ALOX5AP: variants seen among roughly 807,000 people sequenced by gnomAD.
ALOX5AP encodes arachidonate 5-lipoxygenase-activating protein.
Under a neutral mutation model 18.5 loss-of-function variants are expected in ALOX5AP, and 9 were observed. That is an observed-to-expected ratio of 0.49 (90% CI 0.29 to 0.85). ALOX5AP has a LOEUF of 0.85. Among genes scored for constraint, ALOX5AP ranks in the 40% least tolerant of loss-of-function variants. The pLI is 0.08. For missense variants in ALOX5AP, 172 were observed against 202.5 expected (o/e 0.85, Z 0.91); for synonymous variants, 81 against 78.6 (o/e 1.03, Z -0.16).
intron 2 of ALOX5AP, among the ~76,000 whole-genome samples, chr13:30,746,630 AGTC>A (rs1327999607): frequency 6.6e-6 from 1 of 152,232 alleles, no homozygotes; most frequent in African/African-American, 2.4e-5. Flanking sequence ...TCTAGGAGAA[AGTC>A]GTCCCAGCAG....
At chr13:30,748,054 G>T (rs560693899) in intron 2 of ALOX5AP, among the ~76,000 whole-genome samples, 2 of 152,126 alleles carry the variant, frequency 1.3e-5, no homozygotes, top group Admixed American at 1.3e-4. Flanking sequence ...TGAGTAGCTG[G>T]GATTACAGCA....
intron 1 of ALOX5AP, among the ~76,000 whole-genome samples, chr13:30,714,771 C>T (rs557824437): frequency 9.2e-5 from 14 of 152,276 alleles, no homozygotes; most frequent in South Asian, 4.1e-4. Context: ...AAGCTTACGC[C>T]GTCACACCCT....
chr13:30,723,750 A>G (rs1480480471), intron 1 of ALOX5AP, among the ~76,000 whole-genome samples: 4 of 152,188 alleles, frequency 2.6e-5, no homozygotes, highest in African/African-American at 9.7e-5. Flanking sequence ...AGCTAACTAA[A>G]CATCAAACAT....
upstream of ALOX5AP, among the ~76,000 whole-genome samples, chr13:30,732,984 G>A (rs1423656201): frequency 1.3e-5 from 2 of 151,980 alleles, no homozygotes; most frequent in African/African-American, 2.4e-5. Context: ...TGAAACCCCC[G>A]TCTCTACTAA....
chr13:30,719,097 G>A (rs1951572937), intron 1 of ALOX5AP, among the ~76,000 whole-genome samples: 1 of 152,186 alleles, frequency 6.6e-6, no homozygotes, highest in Admixed American at 6.5e-5. Flanking sequence ...TCCTGTCTCA[G>A]TTGTCAGCTA....
At chr13:30,756,123 C>A in intron 4 of ALOX5AP, 98 bp downstream of exon 4, 1 of 1,151,472 alleles carries the variant, frequency 8.7e-7, no homozygotes, top group Non-Finnish European at 1.3e-6. Flanking sequence ...ATTCACGGCT[C>A]CGTAGCATCC....
At chr13:30,718,304 A>G (rs1293703262) in intron 1 of ALOX5AP, among the ~76,000 whole-genome samples, 4 of 151,574 alleles carry the variant, frequency 2.6e-5, no homozygotes, top group African/African-American at 9.7e-5. Flanking sequence ...TAACACACTC[A>G]ACATTATAAC....
intron 4 of ALOX5AP, among the ~76,000 whole-genome samples, chr13:30,756,259 G>C (rs1951892976): frequency 6.6e-6 from 1 of 152,172 alleles, no homozygotes; most frequent in African/African-American, 2.4e-5. Context: ...TCCGCATGGT[G>C]CTGGCTTTCA....
intron 1 of ALOX5AP, among the ~76,000 whole-genome samples, chr13:30,716,774 A>G (rs1208100907): frequency 6.6e-6 from 1 of 152,226 alleles, no homozygotes; most frequent in African/African-American, 2.4e-5. Context: ...ATTCGCTGGG[A>G]GATCTGACAG....
upstream of ALOX5AP, among the ~76,000 whole-genome samples, chr13:30,734,419 T>C (rs940942588): frequency 5.3e-5 from 8 of 152,230 alleles, no homozygotes; most frequent in African/African-American, 1.9e-4. Flanking sequence ...CAGTGGTCCA[T>C]GTTCCCTTTC....
At chr13:30,747,355 T>TG (rs1229477521) in intron 2 of ALOX5AP, among the ~76,000 whole-genome samples, 1 of 152,178 alleles carries the variant, frequency 6.6e-6, no homozygotes, top group Non-Finnish European at 1.5e-5. Flanking sequence ...TTTTGTATTT[T>TG]TAGTAGAGAC....
chr13:30,744,113 T>G lies in ALOX5AP; in HGVS notation c.124T>G (p.Phe42Val), dbSNP rs1951789237. ...AAGCAGGACCCAGAATGGGAGGAGC[T>G]TCCAGAGGACCGGAACACTTGCCTT... ...HESRTQNGRS[F>V]QRTGTLAFER... The change falls in exon 2 of 5, where the codon TTC becomes GTC. Residue 42 changes from phenylalanine (F) to valine (V), a missense_variant. Coordinates refer to ENST00000380490, the MANE Select transcript of ALOX5AP (RefSeq NM_001629.4). 12 of 1,614,154 alleles carry G rather than the reference T, an allele frequency of 7.4e-6. No individual in the cohort carries two copies. The highest frequency in any genetic ancestry group is 9.3e-6 in the Non-Finnish European group (11 of 1,180,002).
chr13:30,757,033 A>T (rs896702256), intron 4 of ALOX5AP, among the ~76,000 whole-genome samples: 1 of 152,070 alleles, frequency 6.6e-6, no homozygotes, highest in African/African-American at 2.4e-5. Context: ...TTCCTTAGAG[A>T]TTGCAATTCC....
upstream of ALOX5AP, chr13:30,735,434 TAA>T (rs59918130): frequency 0.19 from 155,433 of 825,022 alleles, 1,411 homozygotes; most frequent in East Asian, 0.2. Flanking sequence ...GGTGGTTAGT[TAA>T]AAAAAAAAAA....
intron 1 of ALOX5AP, among the ~76,000 whole-genome samples, chr13:30,743,426 T>C (rs1951783608): frequency 6.6e-6 from 1 of 152,096 alleles, no homozygotes; most frequent in South Asian, 2.1e-4. Context: ...ATGTGGCAAA[T>C]GGTCATAGAT....
intron 4 of ALOX5AP, among the ~76,000 whole-genome samples, chr13:30,763,714 T>A (rs1187121467): frequency 2.0e-5 from 3 of 152,184 alleles, no homozygotes; most frequent in Non-Finnish European, 4.4e-5. Flanking sequence ...CTCGTGGTAA[T>A]GGGTTTTGAG....
intron 2 of ALOX5AP, among the ~76,000 whole-genome samples, chr13:30,751,005 G>C (rs1951847321): frequency 6.6e-6 from 1 of 152,178 alleles, no homozygotes; most frequent in South Asian, 2.1e-4. Context: ...CTAATATCTT[G>C]ACTTTATAGC....
At chr13:30,715,974 C>A (rs917613033) in intron 1 of ALOX5AP, among the ~76,000 whole-genome samples, 1 of 152,188 alleles carries the variant, frequency 6.6e-6, no homozygotes, top group African/African-American at 2.4e-5. Context: ...CCTGCTCCTG[C>A]CATTGAGCCC....
upstream of ALOX5AP, among the ~76,000 whole-genome samples, chr13:30,731,689 C>G (rs888568259): frequency 1.3e-5 from 2 of 152,216 alleles, no homozygotes; most frequent in South Asian, 4.1e-4. Context: ...TTTTTAACCC[C>G]TCTGAACCTC....
Sources: allele counts gnomAD v4.1 joint callset (sites outside exome capture counted in the v4.1 genomes callset), GRCh38; gene constraint gnomAD v4.1.1; transcripts MANE v1.5; gene names NCBI Gene and HGNC (gene_info 2026-07-23, HGNC 2026-07-21).